HOMER3: variants seen among roughly 807,000 people sequenced by gnomAD.
HOMER3 encodes homer protein homolog 3.
Under a neutral mutation model 45.5 loss-of-function variants are expected in HOMER3, and 34 were observed. That is an observed-to-expected ratio of 0.75 (90% CI 0.57 to 1.00). HOMER3 has a LOEUF of 1.00. Ranked by LOEUF, HOMER3 falls within the 50% of genes least tolerant of loss-of-function variation. The pLI is 0.00. For synonymous variants in HOMER3, 223 were observed against 208.8 expected, an observed-to-expected ratio of 1.07 and a Z score of -0.58; for missense variants, 480 against 497.5, an observed-to-expected ratio of 0.96 and a Z score of 0.33.
rs1026579090 is a variant in HOMER3, at chr19:18,933,141, T to C, written c.412-96A>G. The C allele has an allele frequency of 1.4e-5, 19 of 1,380,116 alleles. No homozygotes were observed. The Admixed American group carries it at 1.5e-4, about 11-fold the overall frequency. 85.5% of individuals were successfully genotyped at this position (1,380,116 alleles called of 1,614,324 possible). Reference sequence around the variant, plus strand: ...TCACATCGGGGGTGCAATTGACCTATGCACCCTAAGCAGGTCCTTCACAGC... The same window carrying C: ...TCACATCGGGGGTGCAATTGACCTACGCACCCTAAGCAGGTCCTTCACAGC... On this transcript the variant is annotated intron_variant, in intron 5 of 9. Transcript: ENST00000392351.
At position 18,930,554 on chromosome 19, in the gene HOMER3, T is replaced by C. The variant is rs536526685; in HGVS notation, c.894+771A>G. ...CTCAAAAAAAAAAAAAAGTACCCCC[T>C]GAACATTTCTCAGATAAAGCCTTTA... On this transcript the variant is annotated intron_variant, in intron 9 of 9. Coordinates refer to ENST00000392351, the MANE Select transcript of HOMER3 (RefSeq NM_004838.4). 8.8e-4 allele frequency among the ~76,000 whole-genome samples: 129 copies of C among 146,498 alleles called. 1 individual carries two copies. The highest frequency in any genetic ancestry group is 6.3e-3 in the South Asian group (29 of 4,618).
intron 4 of HOMER3, among the ~76,000 whole-genome samples, chr19:18,936,261 C>T (rs1046075098): frequency 1.4e-5 from 2 of 147,908 alleles, no homozygotes; most frequent in Non-Finnish European, 1.5e-5. Flanking sequence ...TGCGGTGAGC[C>T]GAGATCGCAC....
chr19:18,934,871 GTTTTT>G (rs578069119), intron 4 of HOMER3, among the ~76,000 whole-genome samples: 5 of 121,796 alleles, frequency 4.1e-5, no homozygotes, highest in Admixed American at 1.9e-4. Flanking sequence ...CCTGTTTTTT[GTTTTT>G]TTTTTTTTTG....
At chr19:18,931,791 A>C (rs2057035800) in intron 7 of HOMER3, among the ~76,000 whole-genome samples, 166 bp from the exon 8 acceptor site, 1 of 152,070 alleles carries the variant, frequency 6.6e-6, no homozygotes. Context: ...TTAGTGTCTG[A>C]TCACCCTCTG....
Position 18,934,388 on chromosome 19 carries a change from A to G in HOMER3, c.326T>C (p.Val109Ala). The part of the protein sequence containing the change: ...LTQFAEKFQE[V>A]KEAARLAREK... ...CCTGGCCAGCCTGGCTGCTTCCTTC[A>G]CTTCCTGGAACTTCTCGGCAAACTA... Residue 109 changes from valine to alanine, a missense_variant, in exon 5 of 10, where the codon GTG becomes GCG. Coordinates refer to ENST00000392351, the MANE Select transcript of HOMER3 (RefSeq NM_004838.4). The G allele has an allele frequency of 3.8e-6, 6 of 1,589,690 alleles. No individual in the cohort carries two copies. In the South Asian group the frequency reaches 6.9e-5, roughly 18 times the overall value.
chr19:18,933,880 T>A (rs1008697197), intron 5 of HOMER3, among the ~76,000 whole-genome samples: 10 of 152,056 alleles, frequency 6.6e-5, no homozygotes, highest in Non-Finnish European at 1.5e-4. Context: ...AATTTTTGTA[T>A]TTTTTAGCAG....
chr19:18,933,191 C>T, intron 5 of HOMER3, 146 bp from the exon 6 acceptor site: 1 of 1,031,894 alleles, frequency 9.7e-7, no homozygotes, highest in Non-Finnish European at 1.3e-6. Context: ...TGTCCCTCCC[C>T]ACCTCACCCA....
chr19:18,931,613 C>T lies in HOMER3; in HGVS notation c.703G>A (p.Glu235Lys), dbSNP rs769134625. ...GTCACCTCTGAAGCTGCCTGAGCCT[C>T]CAGCTCAGCCACCTGTAGGGCAGGA... ...ERLRQRVAEL[E>K]AQAASEVTPT... Residue 235 changes from glutamate to lysine, a missense_variant, in exon 8 of 10, where the codon GAG becomes AAG. Coordinates refer to ENST00000392351, the MANE Select transcript of HOMER3 (RefSeq NM_004838.4). 1.9e-6 allele frequency: 3 copies of T among 1,608,122 alleles called. No individual in the cohort carries two copies. The highest frequency in any genetic ancestry group is 2.5e-6 in the Non-Finnish European group (3 of 1,177,440).
In HOMER3 at chr19:18,938,815, G is replaced by A; in HGVS notation, c.84C>T (p.Ile28=). Residue 28 remains isoleucine, a synonymous_variant, in exon 3 of 10, where the codon ATC becomes ATT. Transcript: ENST00000392351. ...QIDPATKRNW[I]PAGKHALTVS... is the part of the protein sequence containing the mutation. ...CAGTGAGTGCGTGCTTGCCCGCTGG[G>A]ATCCAGTTTCGCTTGGTGGCTGGGT... is the stretch of plus-strand genomic sequence containing the variant. 6.2e-7 allele frequency: 1 copy of A among 1,601,088 alleles called. No individual in the cohort carries two copies.
intron 9 of HOMER3, among the ~76,000 whole-genome samples, chr19:18,930,165 G>T (rs1041122438): frequency 2.0e-5 from 3 of 150,290 alleles, no homozygotes; most frequent in Admixed American, 6.7e-5. Flanking sequence ...CAGGAGAATC[G>T]CTTGAGCTCA....
intron 1 of HOMER3, chr19:18,940,835 T>TC (rs1249406417): frequency 2.9e-5 from 4 of 135,614 alleles, no homozygotes; most frequent in Non-Finnish European, 6.2e-5. Flanking sequence ...CAACGCCGGG[T>TC]CCAGAACTTT....
At position 18,931,400 on chromosome 19, in the gene HOMER3, G is replaced by A. The variant is rs1231007362; in HGVS notation, c.819C>T (p.Thr273=). The A allele has an allele frequency of 1.2e-6, 2 of 1,614,032 alleles. No individual in the cohort carries two copies. The highest frequency in any genetic ancestry group is 1.7e-6 in the Non-Finnish European group (2 of 1,180,008). ...GGGGCCCCCCAGTCTGACTCTTCAG[G>A]GTCTGAATCTCCTAGAGGAGAAGAG... The part of the protein sequence containing the change: ...LVQTKDQEIQ[T]LKSQTGGPRE... Residue 273 remains threonine, a synonymous_variant, in exon 9 of 10, where the codon ACC becomes ACT. Coordinates refer to ENST00000392351, the MANE Select transcript of HOMER3 (RefSeq NM_004838.4).
intron 9 of HOMER3, among the ~76,000 whole-genome samples, chr19:18,930,509 G>A (rs1256227454): frequency 2.0e-5 from 3 of 151,248 alleles, no homozygotes; most frequent in African/African-American, 7.3e-5. Context: ...TCCAGCCTGG[G>A]CAACAGAGTG....
At chr19:18,929,670 A>G (rs936080255) in intron 9 of HOMER3, 36 bp from the exon 10 acceptor site, 11 of 1,456,572 alleles carry the variant, frequency 7.6e-6, no homozygotes, top group Non-Finnish European at 7.3e-6. Flanking sequence ...GGGGGCCCCA[A>G]CAAATCACCA....
intron 1 of HOMER3, 69 bp from the exon 2 acceptor site, chr19:18,939,118 C>T: frequency 1.2e-6 from 1 of 823,994 alleles, no homozygotes; most frequent in African/African-American, 1.7e-5. Context: ...GGTTCCATCT[C>T]AGGACCCATC....
chr19:18,932,247 G>A, intron 6 of HOMER3, 115 bp from the exon 7 acceptor site: 2 of 1,031,106 alleles, frequency 1.9e-6, no homozygotes, highest in South Asian at 1.7e-5. Context: ...AGGTCAGGGC[G>A]AAGGCTGGCG....
rs1320405406 is a variant in HOMER3, at chr19:18,931,642, G to C, written c.691-17C>G. On this transcript the variant is annotated splice_polypyrimidine_tract_variant and intron_variant, in intron 7 of 9. Coordinates refer to ENST00000392351, the MANE Select transcript of HOMER3 (RefSeq NM_004838.4). ...CTCAGCCACCTGTAGGGCAGGAATA[G>C]CAGCCCCTGACGCCCCCGCCTGCAC... 4 of 1,583,892 alleles carry C rather than the reference G, an allele frequency of 2.5e-6. No individual in the cohort carries two copies. Among genetic ancestry groups the C allele is most frequent in the Non-Finnish European group, 3.4e-6 (4 of 1,165,664 alleles).
chr19:18,932,456 A>C (rs1374827480), intron 6 of HOMER3, among the ~76,000 whole-genome samples: 1 of 150,878 alleles, frequency 6.6e-6, no homozygotes, highest in African/African-American at 2.4e-5. Flanking sequence ...TAGGGCACGG[A>C]GTCAGGGCCA....
Position 18,938,902 on chromosome 19 carries a change from GT to G in HOMER3, c.15-19del. The G allele has an allele frequency of 6.2e-7, 1 of 1,605,734 alleles. No homozygotes were observed. ...GCTGCTCCCTGCGTGGGGAGAGGGT[GT>G]TTGGTGGGGGCCAGGCACCCCCACT... is the stretch of plus-strand genomic sequence containing the variant. On this transcript the variant is annotated intron_variant, in intron 2 of 9. Coordinates refer to ENST00000392351, the MANE Select transcript of HOMER3 (RefSeq NM_004838.4).
Sources: gnomAD v4.1 joint callset for allele counts (sites outside exome capture counted in the v4.1 genomes callset) on GRCh38, gnomAD v4.1.1 for gene constraint, MANE v1.5 for transcripts, NCBI Gene and HGNC (gene_info 2026-07-23, HGNC 2026-07-21) for gene names.